The following IREB2 variants were observed in gnomAD, a reference collection of about 807,000 sequenced individuals.
IREB2 encodes iron-responsive element-binding protein 2.
In IREB2, 39 loss-of-function variants were observed where a neutral mutation model predicts 118.8. That is an observed-to-expected ratio of 0.33 (90% CI 0.25 to 0.43). IREB2 has a LOEUF of 0.43. IREB2 is among the 20% of genes least tolerant of loss of function. The pLI is 1.00. For synonymous variants in IREB2, 372 were observed against 392.2 expected, an observed-to-expected ratio of 0.95 and a Z score of 0.61; for missense variants, 900 against 1,147.3, an observed-to-expected ratio of 0.78 and a Z score of 3.11.
chr15:78,492,326 T>C (rs1257462575), intron 18 of IREB2, among the ~76,000 whole-genome samples: 3 of 144,258 alleles, frequency 2.1e-5, no homozygotes, highest in African/African-American at 5.2e-5. Flanking sequence ...AATTATTGAT[T>C]CCAGATCTGG....
chr15:78,489,880 A>T (rs935402646), intron 16 of IREB2, among the ~76,000 whole-genome samples: 1 of 152,166 alleles, frequency 6.6e-6, no homozygotes, highest in Non-Finnish European at 1.5e-5. Context: ...GAAAAAGCAG[A>T]GGTTTTTCTC....
chr15:78,470,244 A>G (rs1302419842), intron 5 of IREB2, among the ~76,000 whole-genome samples: 2 of 152,204 alleles, frequency 1.3e-5, no homozygotes, highest in East Asian at 3.8e-4. Flanking sequence ...GGATAACCCA[A>G]CAAAGTGTGT....
intron 18 of IREB2, among the ~76,000 whole-genome samples, chr15:78,491,489 T>C (rs2141524930): frequency 6.6e-6 from 1 of 151,134 alleles, no homozygotes; most frequent in South Asian, 2.1e-4. Context: ...TATTTATTTA[T>C]GTATGTATTT....
intron 2 of IREB2, among the ~76,000 whole-genome samples, chr15:78,448,909 A>C (rs140411222): frequency 6.6e-6 from 1 of 152,314 alleles, no homozygotes; most frequent in East Asian, 1.9e-4. Flanking sequence ...TGCTTACTAG[A>C]GTACTAATAT....
chr15:78,459,021 G>C (rs1239377612), intron 2 of IREB2, among the ~76,000 whole-genome samples: 1 of 151,858 alleles, frequency 6.6e-6, no homozygotes, highest in Non-Finnish European at 1.5e-5. Context: ...GGCTAGTCTT[G>C]ATCTCCTGGA....
At chr15:78,472,865 T>C (rs1159529910) in intron 7 of IREB2, among the ~76,000 whole-genome samples, 1 of 152,218 alleles carries the variant, frequency 6.6e-6, no homozygotes, top group African/African-American at 2.4e-5. Flanking sequence ...CAGGGTGTTA[T>C]AAATGTTGAT....
At chr15:78,467,797 T>A (rs139014760) in intron 5 of IREB2, among the ~76,000 whole-genome samples, 1 of 152,210 alleles carries the variant, frequency 6.6e-6, no homozygotes, top group African/African-American at 2.4e-5. Context: ...ATGTTGCCCA[T>A]GCTGGTCTCA....
chr15:78,453,252 T>G (rs2051053810), intron 2 of IREB2, among the ~76,000 whole-genome samples: 1 of 152,356 alleles, frequency 6.6e-6, no homozygotes, highest in Middle Eastern at 3.4e-3. Flanking sequence ...AGGATGGTGC[T>G]GTGGAATCCA....
chr15:78,488,430 T>C (rs2051695473), intron 15 of IREB2, 94 bp downstream of exon 15: 1 of 1,145,898 alleles, frequency 8.7e-7, no homozygotes, highest in Non-Finnish European at 1.2e-6. Context: ...ATCTATTCTT[T>C]GAATTATTTC....
Position 78,476,313 on chromosome 15 carries a change from CT to C in IREB2, c.1154del (p.Phe385SerfsTer6). 3 of 1,600,438 alleles carry C rather than the reference CT, an allele frequency of 1.9e-6. No individual in the cohort carries two copies. Among genetic ancestry groups the C allele is most frequent in the Non-Finnish European group, 2.6e-6 (3 of 1,169,658 alleles). On this transcript the variant is annotated frameshift_variant, in exon 9 of 22. Coordinates refer to ENST00000258886, the MANE Select transcript of IREB2 (RefSeq NM_004136.4). LOFTEE classifies it high-confidence loss of function. ...MCPEYGAILS[F>X]FPVDNVTLKH... ...GTCCGGAATATGGTGCTATCCTCAG[CT>C]TTTTCCCTGTTGACAATGTGACATT...
intron 2 of IREB2, among the ~76,000 whole-genome samples, chr15:78,446,506 G>A (rs2050931552): frequency 2.6e-5 from 4 of 152,238 alleles, no homozygotes; most frequent in Admixed American, 2.6e-4. Flanking sequence ...TAAGGAAGTT[G>A]TTTATTATTT....
Position 78,497,169 on chromosome 15 carries a change from A to C in IREB2, c.2639A>C (p.Lys880Thr). The C allele has an allele frequency of 1.2e-6, 2 of 1,613,990 alleles. No individual in the cohort carries two copies. The highest frequency in any genetic ancestry group is 1.3e-5 in the African/African-American group (1 of 75,048). ...VLAESYEKIH[K>T]DHLIGIGIAP... Reference sequence around the variant, plus strand: ...GCCGAAAGTTATGAAAAAATACACAAAGATCATTTGATTGGAATTGGCATA... The same window carrying C: ...GCCGAAAGTTATGAAAAAATACACACAGATCATTTGATTGGAATTGGCATA... Residue 880 changes from lysine (K) to threonine (T), a missense_variant, in exon 21 of 22, where the codon AAA becomes ACA. Coordinates refer to ENST00000258886, the MANE Select transcript of IREB2 (RefSeq NM_004136.4).
chr15:78,438,288 C>T lies in IREB2; in HGVS notation c.-50C>T, dbSNP rs756759296. On this transcript the variant is annotated 5_prime_UTR_variant, in exon 1 of 22. Transcript: ENST00000258886. ...CCCGTCTTCCCTGCCCGGCCTCCCC[C>T]TTCTTCCCCCGCTGGCCCCCTCCCC... 32 of 1,507,620 alleles carry T rather than the reference C, an allele frequency of 2.1e-5. No individual in the cohort carries two copies. In the East Asian group the frequency reaches 5.0e-4, roughly 23 times the overall value. The allele number at this position is 1,507,620 out of a possible 1,614,324, so 93.4% of individuals were successfully genotyped here. A position where few individuals can be genotyped will look rare whatever the true frequency, so the allele number is the denominator to read the frequency against.
At chr15:78,450,375 C>G (rs1264999974) in intron 2 of IREB2, among the ~76,000 whole-genome samples, 1 of 152,044 alleles carries the variant, frequency 6.6e-6, no homozygotes, top group Non-Finnish European at 1.5e-5. Flanking sequence ...GGGAGAATAC[C>G]CAAGGAAGGA....
chr15:78,440,698 ATCTAT>A (rs1269994164), intron 2 of IREB2, among the ~76,000 whole-genome samples: 1 of 152,170 alleles, frequency 6.6e-6, no homozygotes. Flanking sequence ...CAGTGCCCAC[ATCTAT>A]TCTTTTTGCC....
upstream of IREB2, chr15:78,438,179 C>T (rs999780389): frequency 4.9e-6 from 3 of 616,004 alleles, no homozygotes; most frequent in Non-Finnish European, 9.0e-6. Flanking sequence ...CGAGCGCAGA[C>T]CCGGGGCTGG....
At position 78,438,309 on chromosome 15, in the gene IREB2, T is replaced by C. The variant is rs2050785946; in HGVS notation, c.-29T>C. On this transcript the variant is annotated 5_prime_UTR_variant, in exon 1 of 22. Transcript: ENST00000258886. ...CCCCCTTCTTCCCCCGCTGGCCCCC[T>C]CCCCGGAGGGATAATATGGTCTCCG... 1.3e-6 allele frequency: 2 copies of C among 1,523,090 alleles called. No individual in the cohort carries two copies. The highest frequency in any genetic ancestry group is 3.8e-5 in the Admixed American group (2 of 52,540). 94.3% of individuals were successfully genotyped at this position (1,523,090 alleles called of 1,614,324 possible).
intron 5 of IREB2, among the ~76,000 whole-genome samples, chr15:78,468,586 T>G (rs528796464): frequency 6.6e-6 from 1 of 152,076 alleles, no homozygotes; most frequent in South Asian, 2.1e-4. Flanking sequence ...GCACTTTAGG[T>G]TTTAAAAAGT....
At position 78,494,317 on chromosome 15, in the gene IREB2, C is replaced by G; in HGVS notation, c.2595+53C>G. On this transcript the variant is annotated intron_variant, in intron 20 of 21. Coordinates refer to ENST00000258886, the MANE Select transcript of IREB2 (RefSeq NM_004136.4). ...AAGCTTCAAAGAGTTTTAACTGTTC[C>G]CTTTTGTCAGTAACATCCTGTCAAA... The G allele has an allele frequency of 5.8e-6, 9 of 1,558,932 alleles. No homozygotes were observed. In the South Asian group the frequency reaches 8.1e-5, roughly 14 times the overall value.
Sources: allele counts gnomAD v4.1 joint callset (sites outside exome capture counted in the v4.1 genomes callset), GRCh38; gene constraint gnomAD v4.1.1; transcripts MANE v1.5; gene names NCBI Gene and HGNC (gene_info 2026-07-23, HGNC 2026-07-21).